KIDINS220: variants seen among roughly 807,000 people sequenced by gnomAD.
KIDINS220 encodes kinase D-interacting substrate of 220 kDa.
A neutral mutation model predicts 157.6 loss-of-function variants in KIDINS220; 63 were observed. That is an observed-to-expected ratio of 0.40 (90% CI 0.33 to 0.49). The LOEUF (loss-of-function observed/expected upper bound fraction) is 0.49. Ranked by LOEUF, KIDINS220 falls within the 20% of genes least tolerant of loss-of-function variation. The probability of loss-of-function intolerance (pLI) is 0.66; values close to 1 mark genes in which losing one functional copy is unlikely to be tolerated. For synonymous variants in KIDINS220, 732 were observed against 783.6 expected, an observed-to-expected ratio of 0.93 and a Z score of 1.10; for missense variants, 1,772 against 2,171.2, an observed-to-expected ratio of 0.82 and a Z score of 3.65.
intron 7 of KIDINS220, among the ~76,000 whole-genome samples, chr2:8,805,115 T>C (rs1366001345): frequency 6.6e-6 from 1 of 152,198 alleles, no homozygotes; most frequent in African/African-American, 2.4e-5. Flanking sequence ...CAGATGAAGA[T>C]ACACATAGGA....
intron 7 of KIDINS220, among the ~76,000 whole-genome samples, chr2:8,804,336 C>T (rs1340558441): frequency 1.3e-5 from 2 of 152,350 alleles, no homozygotes; most frequent in East Asian, 3.9e-4. Context: ...ATGTAACATA[C>T]TAATTCTATA....
chr2:8,747,107 A>C, intron 26 of KIDINS220, 38 bp downstream of exon 26: 1 of 1,585,250 alleles, frequency 6.3e-7, no homozygotes, highest in South Asian at 1.1e-5. Flanking sequence ...AGAAGCAATG[A>C]GATGCCAGCG....
At position 8,777,474 on chromosome 2, in the gene KIDINS220, T is replaced by C. The variant is rs1671120294; in HGVS notation, c.2704-582A>G. 2.0e-5 allele frequency among the ~76,000 whole-genome samples: 3 copies of C among 152,270 alleles called. No homozygotes were observed. In the South Asian group the frequency reaches 6.2e-4, roughly 31 times the overall value. ...CCACCACATCCAGCTAATGTGTTTATTTCTATTTTATGTAGAGGGTGTCAC... is the reference window on the plus strand; with the variant it reads ...CCACCACATCCAGCTAATGTGTTTACTTCTATTTTATGTAGAGGGTGTCAC... On this transcript the variant is annotated intron_variant, in intron 20 of 29. Coordinates refer to ENST00000256707, the MANE Select transcript of KIDINS220 (RefSeq NM_020738.4).
intron 2 of KIDINS220, among the ~76,000 whole-genome samples, chr2:8,819,985 T>C (rs1233494142): frequency 2.0e-5 from 3 of 152,212 alleles, no homozygotes; most frequent in South Asian, 2.1e-4. Flanking sequence ...ACATGTATAT[T>C]AGTATGGAGG....
downstream of KIDINS220, chr2:8,725,359 C>T (rs1358463850): frequency 6.6e-6 from 1 of 152,182 alleles, no homozygotes; most frequent in Non-Finnish European, 1.5e-5. Context: ...AGCTTATTCA[C>T]ATGCTTCTTG....
rs1240395988 is a variant in KIDINS220, at chr2:8,800,479, A to G, written c.821T>C (p.Ile274Thr). The change falls in exon 9 of 30, where the codon ATT becomes ACT. Residue 274 changes from isoleucine to threonine, a missense_variant. This residue lies in a region of KIDINS220 where 725 missense variants were observed against 1,017.1 expected (regional missense o/e 0.71). Transcript: ENST00000256707. ...IPDRSGDTVL[I>T]GAVRGGHVEI... Reference sequence around the variant, plus strand: ...AACATGACCACCTCTGACAGCGCCAATCAACACAGTATCCCCACTCTAAGA... The same window carrying G: ...AACATGACCACCTCTGACAGCGCCAGTCAACACAGTATCCCCACTCTAAGA... 1.2e-6 allele frequency: 2 copies of G among 1,612,572 alleles called. No individual in the cohort carries two copies. The highest frequency in any genetic ancestry group is 2.2e-5 in the East Asian group (1 of 44,842).
At chr2:8,722,981 CT>C (rs1448671439), downstream of KIDINS220, 3 of 152,224 alleles carry the variant, frequency 2.0e-5, no homozygotes, top group African/African-American at 4.8e-5. Flanking sequence ...TTTTAACAGC[CT>C]TTCCTATCTG....
chr2:8,762,701 T>C (rs1262734646), intron 22 of KIDINS220, among the ~76,000 whole-genome samples: 1 of 151,550 alleles, frequency 6.6e-6, no homozygotes, highest in East Asian at 2.0e-4. Context: ...ATCGCGCCAC[T>C]GCACTCCAGG....
chr2:8,834,778 C>T (rs1477761495), intron 1 of KIDINS220, among the ~76,000 whole-genome samples: 1 of 152,104 alleles, frequency 6.6e-6, no homozygotes, highest in Non-Finnish European at 1.5e-5. Context: ...CCCTTCAAAA[C>T]CCCCCTCGCG....
intron 22 of KIDINS220, among the ~76,000 whole-genome samples, chr2:8,768,166 G>A (rs1454751284): frequency 3.3e-5 from 5 of 151,556 alleles, no homozygotes; most frequent in Non-Finnish European, 5.9e-5. Flanking sequence ...ATATTTCAAT[G>A]GTTGTCTAAA....
rs1243249228 is a variant in KIDINS220, at chr2:8,730,763, G to A, written c.5273C>T (p.Ser1758Phe). The A allele has an allele frequency of 6.2e-7, 1 of 1,614,236 alleles. No individual in the cohort carries two copies. Among genetic ancestry groups the A allele is most frequent in the South Asian group, 1.1e-5 (1 of 91,082 alleles). Residue 1758 changes from serine (S) to phenylalanine (F), a missense_variant, in exon 30 of 30, where the codon TCT (serine) becomes TTT (phenylalanine). Ser to Phe is a radical substitution (Grantham distance 155, BLOSUM62 -2). This residue lies in a region of KIDINS220 where 793 missense variants were observed against 885.5 expected (regional missense o/e 0.90). Coordinates refer to ENST00000256707, the MANE Select transcript of KIDINS220 (RefSeq NM_020738.4). ...TTCTTCTCCAAAGCCTGTGCTCTCA[G>A]AAGAGGCTGCTGCATGGAGCTCCGG... ...DPPELHAAAS[S>F]ESTGFGEERE...
chr2:8,770,192 C>A (rs924809811), intron 22 of KIDINS220, among the ~76,000 whole-genome samples: 54 of 152,094 alleles, frequency 3.6e-4, no homozygotes, highest in African/African-American at 1.2e-3. Context: ...ATGCTTGAGC[C>A]CAGGAGTTTA....
chr2:8,794,255 G>A (rs1673604316), intron 11 of KIDINS220: 1 of 241,196 alleles, frequency 4.1e-6, no homozygotes, highest in Non-Finnish European at 7.9e-6. Context: ...AGTGAAAGAG[G>A]AGAAGCAACA....
At chr2:8,775,375 C>T (rs897413013) in intron 21 of KIDINS220, among the ~76,000 whole-genome samples, 11 of 152,028 alleles carry the variant, frequency 7.2e-5, no homozygotes, top group East Asian at 3.9e-4. Flanking sequence ...CTCCAAGAAA[C>T]GCAACCAAGG....
chr2:8,765,282 A>G (rs1205212123), intron 22 of KIDINS220, among the ~76,000 whole-genome samples: 1 of 152,204 alleles, frequency 6.6e-6, no homozygotes, highest in East Asian at 1.9e-4. Flanking sequence ...ACTATCTATA[A>G]GTCAAAATCA....
intron 26 of KIDINS220, among the ~76,000 whole-genome samples, chr2:8,746,292 G>C (rs1336657257): frequency 6.6e-6 from 1 of 151,712 alleles, no homozygotes; most frequent in Non-Finnish European, 1.5e-5. Flanking sequence ...CTTTAGTAGA[G>C]ATAGGGTTTC....
chr2:8,728,547 T>G (rs1252395202), downstream of KIDINS220, among the ~76,000 whole-genome samples: 1 of 152,158 alleles, frequency 6.6e-6, no homozygotes, highest in Non-Finnish European at 1.5e-5. Context: ...ACTCAATAAC[T>G]CATCTGGTTT....
chr2:8,828,517 CAAAT>C (rs1490514595), intron 1 of KIDINS220, among the ~76,000 whole-genome samples: 1 of 152,174 alleles, frequency 6.6e-6, no homozygotes, highest in Non-Finnish European at 1.5e-5. Flanking sequence ...CATCCAAATG[CAAAT>C]AAATAAACCT....
At chr2:8,734,844 T>A in intron 27 of KIDINS220, 91 bp from the exon 28 acceptor site, 3 of 907,860 alleles carry the variant, frequency 3.3e-6, no homozygotes, top group Non-Finnish European at 5.0e-6. Context: ...TATATTTAGT[T>A]TTAAATAAGT....
Sources: allele counts gnomAD v4.1 joint callset (sites outside exome capture counted in the v4.1 genomes callset), GRCh38; gene constraint gnomAD v4.1.1; regional missense constraint gnomAD v4.1.1; transcripts MANE v1.5; gene names NCBI Gene and HGNC (gene_info 2026-07-23, HGNC 2026-07-21).